REN: variants seen among roughly 807,000 people sequenced by gnomAD.
REN encodes the protein renin.
A neutral mutation model predicts 48.6 loss-of-function variants in REN; 42 were observed. That is an observed-to-expected ratio of 0.86 (90% CI 0.68 to 1.12). The LOEUF (loss-of-function observed/expected upper bound fraction) is 1.12, where lower values mean the gene tolerates loss of function less well. REN is among the 50% of genes most tolerant of loss of function. The pLI is 0.00. For synonymous variants in REN, 196 were observed against 204.6 expected (o/e 0.96, Z 0.36); for missense variants, 443 against 527.3 (o/e 0.84, Z 1.57).
At chr1:204,162,816 G>A (rs11571105) in intron 1 of REN, among the ~76,000 whole-genome samples, 1,999 of 152,324 alleles carry the variant, frequency 0.013, 61 homozygotes, top group African/African-American at 0.045. Flanking sequence ...CATGCACCTC[G>A]TCCTTGGAGA....
chr1:204,164,857 G>A (rs572906277), intron 1 of REN, among the ~76,000 whole-genome samples: 13 of 151,892 alleles, frequency 8.6e-5, no homozygotes, highest in Non-Finnish European at 1.2e-4. Flanking sequence ...CATGAGCCGC[G>A]TGCCCAGCTT....
intron 6 of REN, among the ~76,000 whole-genome samples, 166 bp downstream of exon 6, chr1:204,157,195 G>A (rs1171354738): frequency 6.6e-6 from 1 of 152,170 alleles, no homozygotes; most frequent in Admixed American, 6.5e-5. Context: ...GGTATGGGGT[G>A]GGCAGGTGGC....
At position 204,161,401 on chromosome 1, in the gene REN, G is replaced by A. The variant is rs761373132; in HGVS notation, c.264C>T (p.Gly88=). 22 of 1,589,190 alleles carry A rather than the reference G, an allele frequency of 1.4e-5. No homozygotes were observed. The highest frequency in any genetic ancestry group is 8.1e-5 in the South Asian group (7 of 86,046). ...GGGGTGGGGTGCCGATGCCAATCTCGCCATAGTACTGGGTCTGTGGGGGTA... is the reference window on the plus strand; with the variant it reads ...GGGGTGGGGTGCCGATGCCAATCTCACCATAGTACTGGGTCTGTGGGGGTA... The part of the protein sequence containing the change: ...LTNYMDTQYY[G]EIGIGTPPQT... Residue 88 remains glycine (G), a synonymous_variant, in exon 3 of 10, where the codon GGC becomes GGT. Coordinates refer to ENST00000272190, the MANE Select transcript of REN (RefSeq NM_000537.4).
At chr1:204,157,230 A>G (rs754696062) in intron 6 of REN, 131 bp downstream of exon 6, 30 of 1,238,352 alleles carry the variant, frequency 2.4e-5, no homozygotes, top group Admixed American at 5.0e-5. Context: ...AAGGAGAGAC[A>G]GAGAACTTCG....
Position 204,166,332 on chromosome 1 carries a change from G to T in REN, c.-39C>A. Reference sequence around the variant, plus strand: ...TGGGGCTCTCTCTGAGATCCACTGAGGTTCTGTGGCTCCCTTAGCCCTTCC... The same window carrying T: ...TGGGGCTCTCTCTGAGATCCACTGATGTTCTGTGGCTCCCTTAGCCCTTCC... On this transcript the variant is annotated 5_prime_UTR_variant, in exon 1 of 10. Transcript: ENST00000272190. The T allele has an allele frequency of 6.4e-7, 1 of 1,558,826 alleles. No individual in the cohort carries two copies. Among genetic ancestry groups the T allele is most frequent in the Non-Finnish European group, 8.9e-7 (1 of 1,129,574 alleles).
chr1:204,160,275 G>A (rs962331703), intron 4 of REN, among the ~76,000 whole-genome samples: 10 of 152,228 alleles, frequency 6.6e-5, no homozygotes, highest in Non-Finnish European at 1.0e-4. Context: ...ACTTGGACGA[G>A]TTACTTGACT....
chr1:204,157,097 T>A (rs1658163763), intron 6 of REN, among the ~76,000 whole-genome samples: 1 of 152,146 alleles, frequency 6.6e-6, no homozygotes, highest in African/African-American at 2.4e-5. Flanking sequence ...AGTGAGTGGA[T>A]GTGAACAAGA....
At position 204,161,272 on chromosome 1, in the gene REN, C is replaced by T; in HGVS notation, c.373+20G>A. 1 of 1,583,832 alleles carries T rather than the reference C, an allele frequency of 6.3e-7. No individual in the cohort carries two copies. Among genetic ancestry groups the T allele is most frequent in the South Asian group, 1.2e-5 (1 of 85,216 alleles). ...AGGGCAGGGGGATGGAGGAGAGGCACTGTGGGTCTTAGGTCTCACCACAGG... is the reference window on the plus strand; with the variant it reads ...AGGGCAGGGGGATGGAGGAGAGGCATTGTGGGTCTTAGGTCTCACCACAGG... On this transcript the variant is annotated intron_variant, in intron 3 of 9. Transcript: ENST00000272190.
chr1:204,158,117 C>G (rs1438546792), intron 5 of REN, among the ~76,000 whole-genome samples: 2 of 151,698 alleles, frequency 1.3e-5, no homozygotes, highest in East Asian at 3.9e-4. Flanking sequence ...CGCCACCCCC[C>G]ATTCCCTTCC....
chr1:204,157,828 C>T (rs371829240), intron 5 of REN, among the ~76,000 whole-genome samples: 292 of 152,304 alleles, frequency 1.9e-3, no homozygotes, highest in African/African-American at 6.6e-3. Context: ...TGTCTCTCAA[C>T]ACTTCAGTAT....
At chr1:204,162,922 C>T (rs969485320) in intron 1 of REN, among the ~76,000 whole-genome samples, 1 of 152,328 alleles carries the variant, frequency 6.6e-6, no homozygotes, top group African/African-American at 2.4e-5. Context: ...TCTACTGAGC[C>T]GCTACTGAAA....
At chr1:204,161,558 GA>G (rs1658247438) in intron 2 of REN, 143 bp from the exon 3 acceptor site, 1 of 746,082 alleles carries the variant, frequency 1.3e-6, no homozygotes, top group Non-Finnish European at 2.0e-6. Flanking sequence ...TTTCCTGCAG[GA>G]ACTGGTAGGA....
chr1:204,163,776 T>C (rs1658290917), intron 1 of REN, among the ~76,000 whole-genome samples: 1 of 152,156 alleles, frequency 6.6e-6, no homozygotes, highest in African/African-American at 2.4e-5. Context: ...AAGACAGTGG[T>C]TGCAGGGGGC....
At chr1:204,165,753 G>A (rs6665480) in intron 1 of REN, among the ~76,000 whole-genome samples, 22,327 of 151,952 alleles carry the variant, frequency 0.15, 1,759 homozygotes, top group African/African-American at 0.2. Flanking sequence ...CACCATGCCC[G>A]GCTAATTTTT....
rs3835188 is a variant in REN at position 204,161,089 on chromosome 1, C to CT, written c.373+202dup. On this transcript the variant is annotated intron_variant, in intron 3 of 9. Transcript: ENST00000272190. ...TCTGGGTGCTCAGGGGTTCTTGGAC[C>CT]TTTTTTTGTTTTTAACCTTGGTGGC... Among the ~76,000 whole-genome samples, 26,183 of 151,800 alleles carry CT rather than the reference C, an allele frequency of 0.17. 2,471 individuals carry two copies. The highest frequency in any genetic ancestry group is 0.27 in the African/African-American group (11,034 of 41,302).
intron 4 of REN, 108 bp from the exon 5 acceptor site, chr1:204,159,703 A>G (rs1658209867): frequency 1.1e-6 from 1 of 935,804 alleles, no homozygotes; most frequent in Non-Finnish European, 1.7e-6. Context: ...GCTCCAGGGT[A>G]CAGAAATCGG....
chr1:204,161,430 A>G lies in REN; in HGVS notation c.250-15T>C, dbSNP rs1658244647. Reference sequence around the variant, plus strand: ...TAGTACTGGGTCTGTGGGGGTAAAAAGAGAGGGCTGGAGGGGCTCAGGGGA... The same window carrying G: ...TAGTACTGGGTCTGTGGGGGTAAAAGGAGAGGGCTGGAGGGGCTCAGGGGA... On this transcript the variant is annotated splice_polypyrimidine_tract_variant and intron_variant, in intron 2 of 9. Coordinates refer to ENST00000272190, the MANE Select transcript of REN (RefSeq NM_000537.4). 1.3e-6 allele frequency: 2 copies of G among 1,522,654 alleles called. No homozygotes were observed. The highest frequency in any genetic ancestry group is 1.8e-6 in the Non-Finnish European group (2 of 1,129,310). The allele number at this position is 1,522,654 out of a possible 1,614,324, so 94.3% of individuals were successfully genotyped here.
chr1:204,161,526 T>A, intron 2 of REN, 111 bp from the exon 3 acceptor site: 1 of 1,082,830 alleles, frequency 9.2e-7, no homozygotes, highest in East Asian at 2.9e-5. Flanking sequence ...GGCGAGGTCC[T>A]ATAGCCTCTC....
intron 4 of REN, among the ~76,000 whole-genome samples, chr1:204,160,349 C>T (rs1042423264): frequency 1.3e-5 from 2 of 152,200 alleles, no homozygotes; most frequent in African/African-American, 4.8e-5. Flanking sequence ...CACAAACCAC[C>T]CAACGGTGAG....
Sources: gnomAD v4.1 joint callset for allele counts (sites outside exome capture counted in the v4.1 genomes callset) on GRCh38, gnomAD v4.1.1 for gene constraint, MANE v1.5 for transcripts, NCBI Gene and HGNC (gene_info 2026-07-23, HGNC 2026-07-21) for gene names.